The following IL1RAPL2 variants were observed in gnomAD, a reference collection of about 807,000 sequenced individuals.
IL1RAPL2 encodes the protein interleukin 1 receptor accessory protein like 2.
IL1RAPL2 carries 3 observed loss-of-function variants against 44.1 expected under a neutral mutation model. The ratio of observed to expected loss-of-function variants is 0.07; its 90% CI spans 0.03 to 0.18. The LOEUF (loss-of-function observed/expected upper bound fraction) is 0.18, where lower values mean the gene tolerates loss of function less well. Ranked by LOEUF, IL1RAPL2 falls within the 10% of genes least tolerant of loss-of-function variation. The pLI, the probability that IL1RAPL2 is intolerant of heterozygous loss-of-function variation, is 1.00. For missense variants in IL1RAPL2, 391 were observed against 496.4 expected, an observed-to-expected ratio of 0.79 and a Z score of 2.02; for synonymous variants, 181 against 178.8, an observed-to-expected ratio of 1.01 and a Z score of -0.10.
At chrX:105,182,281 C>A (rs1429521051) in intron 2 of IL1RAPL2, among the ~76,000 whole-genome samples, 4 of 110,652 alleles carry the variant, frequency 3.6e-5, no homozygotes, top group South Asian at 3.9e-4. Context: ...TCCTTTAGAT[C>A]TAATAATATT....
chrX:105,429,837 A>G (rs1023281754), intron 5 of IL1RAPL2, among the ~76,000 whole-genome samples: 2 of 111,562 alleles, frequency 1.8e-5, no homozygotes, highest in South Asian at 7.5e-4. Context: ...TATAGATAGC[A>G]TACTTTTCAG....
chrX:104,935,997 C>T (rs765610404), intron 2 of IL1RAPL2, among the ~76,000 whole-genome samples: 2 of 112,170 alleles, frequency 1.8e-5, no homozygotes, highest in East Asian at 5.6e-4. Flanking sequence ...ATCTGTTCTT[C>T]TACAGATGAG....
At chrX:105,220,884 A>G (rs950065159) in intron 3 of IL1RAPL2, among the ~76,000 whole-genome samples, 1 of 111,631 alleles carries the variant, frequency 9.0e-6, no homozygotes, top group African/African-American at 3.3e-5. Context: ...GAACCAAGAA[A>G]ATTAAGCCCT....
At chrX:105,373,434 C>G (rs1362253320) in intron 5 of IL1RAPL2, among the ~76,000 whole-genome samples, 1 of 111,532 alleles carries the variant, frequency 9.0e-6, no homozygotes, top group African/African-American at 3.3e-5. Flanking sequence ...CTTTGATACA[C>G]AGTTTGCAAA....
rs181971472 is a variant in IL1RAPL2 at position 104,634,323 on chromosome X, G to T, written c.-19-24572G>T. Among the ~76,000 whole-genome samples the T allele has an allele frequency of 3.7e-3, 416 of 111,782 alleles. 1 individual carries two copies. Among genetic ancestry groups the T allele is most frequent in the African/African-American group, 0.013 (392 of 30,745 alleles). ...TGCTGAAAAGAATGTATATTCTGTT[G>T]ATTTGGGGTGGAGAGTTCTGTAGAT... On this transcript the variant is annotated intron_variant, in intron 1 of 10. Transcript: ENST00000372582.
chrX:105,367,382 GTTAA>G (rs2035303422), intron 5 of IL1RAPL2, among the ~76,000 whole-genome samples: 1 of 111,313 alleles, frequency 9.0e-6, no homozygotes, highest in South Asian at 3.7e-4. Flanking sequence ...ATTGGCATTT[GTTAA>G]TTGTTTTCTT....
intron 1 of IL1RAPL2, among the ~76,000 whole-genome samples, chrX:104,658,435 G>T (rs1350464894): frequency 9.0e-6 from 1 of 111,593 alleles, no homozygotes; most frequent in Admixed American, 9.5e-5. Flanking sequence ...TGGACACAGG[G>T]CAGGGATCAT....
At chrX:105,253,116 A>G (rs1354506181) in intron 4 of IL1RAPL2, among the ~76,000 whole-genome samples, 1 of 111,053 alleles carries the variant, frequency 9.0e-6, no homozygotes, top group Non-Finnish European at 1.9e-5. Context: ...TACATGAATG[A>G]CTCAGCATTG....
At chrX:105,061,590 A>T (rs1022381985) in intron 2 of IL1RAPL2, among the ~76,000 whole-genome samples, 2 of 112,003 alleles carry the variant, frequency 1.8e-5, no homozygotes, top group Non-Finnish European at 3.8e-5. Flanking sequence ...ATGTTTCTTT[A>T]GACAGATCTT....
intron 6 of IL1RAPL2, among the ~76,000 whole-genome samples, chrX:105,618,996 G>T (rs1257462255): frequency 9.0e-6 from 1 of 111,128 alleles, no homozygotes; most frequent in Non-Finnish European, 1.9e-5. Context: ...AGGTATAAGG[G>T]AGGAAAAATA....
chrX:104,733,576 T>C (rs2103553), intron 2 of IL1RAPL2, among the ~76,000 whole-genome samples: 58,647 of 107,021 alleles, frequency 0.55, 13,188 homozygotes, highest in African/African-American at 0.83. Flanking sequence ...GCAGAGATCA[T>C]ACCACTGCAT....
intron 2 of IL1RAPL2, among the ~76,000 whole-genome samples, chrX:105,108,981 C>T (rs189979840): frequency 3.6e-5 from 4 of 111,692 alleles, no homozygotes; most frequent in Middle Eastern, 4.7e-3. Flanking sequence ...TTTGCTCTCC[C>T]GCTTCACTCT....
chrX:105,079,124 C>T (rs919546259), intron 2 of IL1RAPL2, among the ~76,000 whole-genome samples: 1 of 112,055 alleles, frequency 8.9e-6, no homozygotes, highest in South Asian at 3.7e-4. Context: ...CTGCATCTCT[C>T]ACGCTGGGAG....
At chrX:104,950,944 G>C (rs1309547176) in intron 2 of IL1RAPL2, among the ~76,000 whole-genome samples, 3 of 111,307 alleles carry the variant, frequency 2.7e-5, no homozygotes, top group Admixed American at 9.5e-5. Context: ...TGATTTTCCA[G>C]GTGCCGTCTG....
chrX:105,522,584 A>G (rs12012976), intron 6 of IL1RAPL2, among the ~76,000 whole-genome samples: 8,233 of 112,120 alleles, frequency 0.073, 474 homozygotes, highest in African/African-American at 0.2. Context: ...CTTGGTGTCT[A>G]GTTCAGTGGT....
chrX:105,674,822 C>T (rs761433441), intron 6 of IL1RAPL2, among the ~76,000 whole-genome samples: 1 of 111,250 alleles, frequency 9.0e-6, no homozygotes, highest in Admixed American at 9.6e-5. Context: ...TGTTTGTGTC[C>T]TCTCTGGTTT....
chrX:105,218,794 A>C (rs1603015083), intron 3 of IL1RAPL2: 6 of 376,259 alleles, frequency 1.6e-5, no homozygotes, highest in South Asian at 5.4e-5. Context: ...TCCAGTCACC[A>C]CCCCTATCTC....
At chrX:104,660,836 G>A (rs1394129224) in intron 2 of IL1RAPL2, among the ~76,000 whole-genome samples, 1 of 107,933 alleles carries the variant, frequency 9.3e-6, no homozygotes, top group Non-Finnish European at 1.9e-5. Flanking sequence ...TCAGGAGGCT[G>A]AGGTGAGAGT....
intron 2 of IL1RAPL2, among the ~76,000 whole-genome samples, chrX:104,912,029 CCTT>C (rs1372328150): frequency 8.9e-6 from 1 of 111,749 alleles, no homozygotes; most frequent in East Asian, 2.8e-4. Context: ...ATCCCATTAA[CCTT>C]CTTATTTTGC....
Sources: allele counts gnomAD v4.1 joint callset (sites outside exome capture counted in the v4.1 genomes callset), GRCh38; gene constraint gnomAD v4.1.1; transcripts MANE v1.5; gene names NCBI Gene and HGNC (gene_info 2026-07-23, HGNC 2026-07-21).